The following ADAMTS2 variants were observed in gnomAD, a reference collection of about 807,000 sequenced individuals.
ADAMTS2 encodes A disintegrin and metalloproteinase with thrombospondin motifs 2.
In ADAMTS2, 50 loss-of-function variants were observed where a neutral mutation model predicts 123.0. That is an observed-to-expected ratio of 0.41 (90% CI 0.32 to 0.51). The LOEUF is 0.51. Ranked by LOEUF, ADAMTS2 falls within the 20% of genes least tolerant of loss-of-function variation. The probability of loss-of-function intolerance (pLI) is 0.35; values close to 1 mark genes in which losing one functional copy is unlikely to be tolerated. For missense variants in ADAMTS2, 1,494 were observed against 1,705.2 expected (o/e 0.88, Z 2.18); for synonymous variants, 678 against 695.4 (o/e 0.98, Z 0.39).
intron 10 of ADAMTS2, among the ~76,000 whole-genome samples, chr5:179,143,264 T>C (rs1763200675): frequency 2.0e-5 from 3 of 152,002 alleles, no homozygotes; most frequent in African/African-American, 7.2e-5. Flanking sequence ...TGAAACCCTG[T>C]CTCTATTAAA....
At chr5:179,215,589 TA>T (rs993013276) in intron 3 of ADAMTS2, among the ~76,000 whole-genome samples, 1 of 151,938 alleles carries the variant, frequency 6.6e-6, no homozygotes, top group African/African-American at 2.4e-5. Flanking sequence ...TAAAGAAATT[TA>T]AAAAAAATTT....
chr5:179,333,886 G>A (rs1432000561), intron 2 of ADAMTS2, among the ~76,000 whole-genome samples: 1 of 152,124 alleles, frequency 6.6e-6, no homozygotes, highest in East Asian at 1.9e-4. Flanking sequence ...GAGCCACTGT[G>A]CCCCGCCTAC....
intron 2 of ADAMTS2, among the ~76,000 whole-genome samples, chr5:179,329,350 A>C (rs550382391): frequency 6.6e-6 from 1 of 151,246 alleles, no homozygotes; most frequent in South Asian, 2.1e-4. Context: ...AAAACAAAAC[A>C]AAACCCAGAA....
intron 10 of ADAMTS2, among the ~76,000 whole-genome samples, chr5:179,149,787 C>T (rs1256781519): frequency 1.3e-5 from 2 of 152,230 alleles, no homozygotes; most frequent in Non-Finnish European, 2.9e-5. Flanking sequence ...AACATCCCCA[C>T]ACCGAATCCT....
intron 10 of ADAMTS2, among the ~76,000 whole-genome samples, chr5:179,140,354 G>A (rs1259595836): frequency 6.6e-6 from 1 of 152,202 alleles, no homozygotes; most frequent in African/African-American, 2.4e-5. Context: ...CCTCCTGGGT[G>A]CCCACACACA....
rs879691618 is a variant in ADAMTS2 at position 179,217,801 on chromosome 5, G to GAA, written c.689-10087_689-10086insTT. 9.5e-4 allele frequency among the ~76,000 whole-genome samples: 106 copies of GAA among 111,088 alleles called. 3 individuals are homozygous for GAA. The highest frequency in any genetic ancestry group is 2.7e-3 in the African/African-American group (84 of 30,860). 72.9% of individuals were successfully genotyped at this position (111,088 alleles called of 152,430 possible). A position where few individuals can be genotyped will look rare whatever the true frequency, so the allele number is the denominator to read the frequency against. On this transcript the variant is annotated intron_variant, in intron 3 of 21. Coordinates refer to ENST00000251582, the MANE Select transcript of ADAMTS2 (RefSeq NM_014244.5). ...CTCACTAGGGGATGGCGCAAGGGGG[G>GAA]GATGGGCACACTCACTAGGGGATGG...
At chr5:179,311,793 C>T (rs984503952) in intron 2 of ADAMTS2, among the ~76,000 whole-genome samples, 5 of 152,180 alleles carry the variant, frequency 3.3e-5, no homozygotes, top group Non-Finnish European at 5.9e-5. Flanking sequence ...CCCACTCGCC[C>T]GTGCTGTATT....
chr5:179,224,808 G>A (rs796647124), intron 3 of ADAMTS2, among the ~76,000 whole-genome samples: 2 of 147,318 alleles, frequency 1.4e-5, no homozygotes, highest in African/African-American at 2.7e-5. Context: ...GGGTCCCCAG[G>A]TCTGTCTGCC....
rs145009996 is a variant in ADAMTS2, at chr5:179,197,829, C to T, written c.891+9684G>A. ...AAGAGTCCCTGTCTGTACCTGGGGA[C>T]GAAACTTGAGGTGCCACACACATCT... On this transcript the variant is annotated intron_variant, in intron 4 of 21. Transcript: ENST00000251582. The surrounding 1 kb of genome is among the most constrained non-coding windows in gnomAD (Gnocchi z 4.2). Among the ~76,000 whole-genome samples, 321 of 152,306 alleles carry T rather than the reference C, an allele frequency of 2.1e-3. 2 individuals are homozygous for T. Among genetic ancestry groups the T allele is most frequent in the African/African-American group, 7.2e-3 (299 of 41,572 alleles).
At chr5:179,192,444 C>T (rs1389573152) in intron 4 of ADAMTS2, among the ~76,000 whole-genome samples, 4 of 152,368 alleles carry the variant, frequency 2.6e-5, no homozygotes, top group East Asian at 1.9e-4. Flanking sequence ...AATCCCCCTG[C>T]ACCACCAGAG....
At chr5:179,266,043 C>A (rs527604277) in intron 3 of ADAMTS2, among the ~76,000 whole-genome samples, 1 of 152,290 alleles carries the variant, frequency 6.6e-6, no homozygotes, top group African/African-American at 2.4e-5. Context: ...CGCCAGAGGC[C>A]CTGGCCTCAG....
chr5:179,301,672 T>G (rs1756522574), intron 2 of ADAMTS2, among the ~76,000 whole-genome samples: 1 of 152,226 alleles, frequency 6.6e-6, no homozygotes, highest in East Asian at 1.9e-4. Flanking sequence ...AGAAGTGGGT[T>G]TCAAGCATCT....
chr5:179,280,939 A>C (rs546881088), intron 2 of ADAMTS2, among the ~76,000 whole-genome samples: 64 of 152,154 alleles, frequency 4.2e-4, no homozygotes, highest in Admixed American at 1.7e-3. Context: ...CTCACTGCAA[A>C]CTCTGCCTCC....
chr5:179,136,171 G>C lies in ADAMTS2; in HGVS notation c.1952-129C>G, dbSNP rs1763064628. 35 of 1,340,370 alleles carry C rather than the reference G, an allele frequency of 2.6e-5. No individual in the cohort carries two copies. The South Asian group carries it at 3.6e-4, about 14-fold the overall frequency. 83.0% of individuals were successfully genotyped at this position (1,340,370 alleles called of 1,614,324 possible). On this transcript the variant is annotated intron_variant, in intron 12 of 21. Transcript: ENST00000251582. ...TGGCCCACCCTCCAGGGCAGACAGA[G>C]AGGGAAAGGGGTGGGTGACAGCAGC...
Position 179,137,929 on chromosome 5 carries a change from G to T in ADAMTS2, c.1791C>A (p.Gly597=). The T allele has an allele frequency of 6.5e-7, 1 of 1,547,770 alleles. No individual in the cohort carries two copies. Among genetic ancestry groups the T allele is most frequent in the Non-Finnish European group, 8.7e-7 (1 of 1,147,802 alleles). ...QCDNPHPANG[G]RTCSGLAYDF... ...CGTAGGCAAGGCCCGAGCAGGTGCG[G>T]CCCCCGTTGGCCGGGCTGGAGGAGA... Residue 597 remains glycine (G), a synonymous_variant, in exon 12 of 22, where the codon GGC becomes GGA. Transcript: ENST00000251582.
At chr5:179,320,371 G>A (rs1057325541) in intron 2 of ADAMTS2, among the ~76,000 whole-genome samples, 1 of 152,108 alleles carries the variant, frequency 6.6e-6, no homozygotes, top group Non-Finnish European at 1.5e-5. Flanking sequence ...GCAGTGGCAC[G>A]ATCTTGACTC....
intron 2 of ADAMTS2, among the ~76,000 whole-genome samples, chr5:179,305,646 T>C (rs2161255): frequency 0.06 from 9,196 of 152,004 alleles, 888 homozygotes; most frequent in African/African-American, 0.21. Flanking sequence ...TAAAAATCAA[T>C]GAAACTGAAA....
intron 2 of ADAMTS2, among the ~76,000 whole-genome samples, chr5:179,302,398 A>G (rs1193656342): frequency 6.7e-6 from 1 of 150,306 alleles, no homozygotes; most frequent in Admixed American, 6.6e-5. Flanking sequence ...AAAAAAAAAA[A>G]AAAAAAAAAG....
In ADAMTS2 at chr5:179,293,559, C is replaced by T. The variant is rs148485026; in HGVS notation, c.535-20495G>A. ...TTGCTAGGCCAGAACAGGCCAGTGC[C>T]CCATAGATCCCAGCCCAAGACAAGC... On this transcript the variant is annotated intron_variant, in intron 2 of 21. Coordinates refer to ENST00000251582, the MANE Select transcript of ADAMTS2 (RefSeq NM_014244.5). 6.0e-3 allele frequency among the ~76,000 whole-genome samples: 909 copies of T among 152,324 alleles called. 12 individuals carry two copies. The highest frequency in any genetic ancestry group is 0.021 in the African/African-American group (871 of 41,560).
Sources: gnomAD v4.1 joint callset for allele counts (sites outside exome capture counted in the v4.1 genomes callset) on GRCh38, gnomAD v4.1.1 for gene constraint, Gnocchi (gnomAD v3.1) non-coding constraint, MANE v1.5 for transcripts, NCBI Gene and HGNC (gene_info 2026-07-23, HGNC 2026-07-21) for gene names.